Variants in BCL2L13 observed in about 807,000 individuals in gnomAD.
The protein encoded by BCL2L13 is BCL2 like 13, also known as bcl-2-like protein 13.
A neutral mutation model predicts 25.8 loss-of-function variants in BCL2L13; 13 were observed. The observed-to-expected ratio is 0.50, with a 90% confidence interval of 0.33 to 0.80. BCL2L13 has a LOEUF of 0.80. Among genes scored for constraint, BCL2L13 ranks in the 30% least tolerant of loss-of-function variants. The pLI, the probability that BCL2L13 is intolerant of heterozygous loss-of-function variation, is 0.02. For missense variants in BCL2L13, 504 were observed against 574.9 expected, an observed-to-expected ratio of 0.88 and a Z score of 1.26; for synonymous variants, 244 against 230.3, an observed-to-expected ratio of 1.06 and a Z score of -0.54.
chr22:17,657,366 TCTACTTA>T (rs2058907564), intron 2 of BCL2L13, among the ~76,000 whole-genome samples: 1 of 115,362 alleles, frequency 8.7e-6, no homozygotes, highest in Non-Finnish European at 1.9e-5. Flanking sequence ...CCTCATCTTC[TCTACTTA>T]ACTCTACTTT....
intron 6 of BCL2L13, among the ~76,000 whole-genome samples, chr22:17,708,008 AAAGTT>A (rs1232089731): frequency 6.6e-6 from 1 of 152,236 alleles, no homozygotes; most frequent in East Asian, 1.9e-4. Context: ...CCACCAAAGT[AAAGTT>A]ATGTTTGTAT....
chr22:17,689,464 T>G (rs1277066275), intron 4 of BCL2L13, among the ~76,000 whole-genome samples: 1 of 152,216 alleles, frequency 6.6e-6, no homozygotes, highest in Non-Finnish European at 1.5e-5. Context: ...TGCCATTTCC[T>G]CTAGTCGTGA....
chr22:17,658,063 G>A (rs564085991), intron 2 of BCL2L13, among the ~76,000 whole-genome samples: 3 of 151,386 alleles, frequency 2.0e-5, no homozygotes, highest in South Asian at 4.2e-4. Context: ...CTCGTGATCC[G>A]CCCTCCTCAG....
chr22:17,669,311 C>T (rs1372879990), intron 2 of BCL2L13, among the ~76,000 whole-genome samples: 1 of 152,162 alleles, frequency 6.6e-6, no homozygotes, highest in African/African-American at 2.4e-5. Context: ...GGATTACAGG[C>T]GTGAGCCACC....
chr22:17,677,837 A>G (rs1601620440), intron 2 of BCL2L13, among the ~76,000 whole-genome samples: 2 of 151,792 alleles, frequency 1.3e-5, no homozygotes, highest in African/African-American at 4.8e-5. Context: ...GCGCCATTGC[A>G]TGATCTGGCG....
At chr22:17,631,666 GTGTGTATATA>G (rs1278664926) in intron 1 of BCL2L13, among the ~76,000 whole-genome samples, 23 of 21,412 alleles carry the variant, frequency 1.1e-3, no homozygotes, top group African/African-American at 3.7e-3. Context: ...GTATGTGTGT[GTGTGTATATA>G]TATATATATA....
chr22:17,716,795 T>C (rs1291844413), intron 6 of BCL2L13, among the ~76,000 whole-genome samples: 2 of 152,198 alleles, frequency 1.3e-5, no homozygotes, highest in African/African-American at 2.4e-5. Context: ...GGCCGGATGG[T>C]ACCTTAGATT....
At chr22:17,678,136 C>T (rs537761170) in intron 2 of BCL2L13, among the ~76,000 whole-genome samples, 2 of 152,282 alleles carry the variant, frequency 1.3e-5, no homozygotes, top group Admixed American at 1.3e-4. Context: ...GATCTTCACA[C>T]ATCAGGCTCC....
chr22:17,720,854 A>T (rs1445865026), intron 6 of BCL2L13, among the ~76,000 whole-genome samples: 3 of 151,916 alleles, frequency 2.0e-5, no homozygotes, highest in Non-Finnish European at 4.4e-5. Flanking sequence ...ATACTAAAAG[A>T]ATAAAAAGTT....
intron 5 of BCL2L13, among the ~76,000 whole-genome samples, chr22:17,700,675 G>A (rs2060406836): frequency 6.6e-6 from 1 of 152,090 alleles, no homozygotes; most frequent in Non-Finnish European, 1.5e-5. Flanking sequence ...TTTTCTTATT[G>A]AGGAAATGCC....
chr22:17,691,604 C>T lies in BCL2L13; in HGVS notation c.386+2462C>T, dbSNP rs915001015. Among the ~76,000 whole-genome samples, 4 of 152,178 alleles carry T rather than the reference C, an allele frequency of 2.6e-5. No individual in the cohort carries two copies. In the South Asian group the frequency reaches 6.2e-4, roughly 24 times the overall value. On this transcript the variant is annotated intron_variant, in intron 4 of 6. Transcript: ENST00000317582. ...GAGCTTGCAGTGAGCCGAGATTGCACCACTGCACTCCAGCCTGGGTGACAG... is the reference window on the plus strand; with the variant it reads ...GAGCTTGCAGTGAGCCGAGATTGCATCACTGCACTCCAGCCTGGGTGACAG...
chr22:17,696,225 A>G lies in BCL2L13; in HGVS notation c.456+15A>G. ...GCTGGAATAAGGTATCATCACAATG[A>G]TCTTTTCTCTTAAAAGATTTTAGTG... On this transcript the variant is annotated intron_variant, in intron 5 of 6. Transcript: ENST00000317582. The G allele has an allele frequency of 1.2e-6, 2 of 1,607,138 alleles. No individual in the cohort carries two copies. The highest frequency in any genetic ancestry group is 2.2e-5 in the South Asian group (2 of 90,950).
chr22:17,681,378 C>T (rs1237476912), intron 2 of BCL2L13, among the ~76,000 whole-genome samples: 1 of 151,622 alleles, frequency 6.6e-6, no homozygotes, highest in African/African-American at 2.4e-5. Flanking sequence ...TGGTGGCGGG[C>T]GCCTGTAGTC....
chr22:17,653,296 C>A (rs1314398915), intron 1 of BCL2L13, among the ~76,000 whole-genome samples: 1 of 152,066 alleles, frequency 6.6e-6, no homozygotes, highest in Non-Finnish European at 1.5e-5. Context: ...CTTACAGCTT[C>A]CTGGGTCACT....
intron 1 of BCL2L13, among the ~76,000 whole-genome samples, chr22:17,647,751 A>G (rs1400070514): frequency 6.6e-6 from 1 of 152,220 alleles, no homozygotes; most frequent in Non-Finnish European, 1.5e-5. Context: ...ATTCAAGTAT[A>G]GAGGATTACT....
intron 2 of BCL2L13, among the ~76,000 whole-genome samples, chr22:17,680,139 C>T (rs921097966): frequency 5.0e-5 from 7 of 141,146 alleles, no homozygotes; most frequent in East Asian, 2.2e-4. Context: ...GCTTGAACCC[C>T]GGGGGGCGGA....
At chr22:17,656,423 T>C (rs1354825649) in intron 2 of BCL2L13, among the ~76,000 whole-genome samples, 1 of 124,702 alleles carries the variant, frequency 8.0e-6, no homozygotes, top group Non-Finnish European at 1.6e-5. Context: ...TGATCTTGGC[T>C]CACTGCAACC....
chr22:17,679,392 A>G (rs1030560312), intron 2 of BCL2L13, among the ~76,000 whole-genome samples: 1 of 146,686 alleles, frequency 6.8e-6, no homozygotes, highest in Non-Finnish European at 1.5e-5. Flanking sequence ...ACCTCAGCCT[A>G]CCGAGTAGCT....
At chr22:17,713,972 T>A (rs1437412952) in intron 6 of BCL2L13, among the ~76,000 whole-genome samples, 4 of 151,084 alleles carry the variant, frequency 2.6e-5, no homozygotes, top group Admixed American at 2.0e-4. Flanking sequence ...GGTGATACCC[T>A]ATTTCTACCA....
Sources: gnomAD v4.1 joint callset for allele counts (sites outside exome capture counted in the v4.1 genomes callset) on GRCh38, gnomAD v4.1.1 for gene constraint, MANE v1.5 for transcripts, NCBI Gene and HGNC (gene_info 2026-07-23, HGNC 2026-07-21) for gene names.